SERPINB7: variants seen among roughly 807,000 people sequenced by gnomAD.
The protein encoded by SERPINB7 is serpin B7.
In SERPINB7, 31 loss-of-function variants were observed where a neutral mutation model predicts 37.4. The ratio of observed to expected loss-of-function variants is 0.83; its 90% CI spans 0.62 to 1.12. The LOEUF (loss-of-function observed/expected upper bound fraction) is 1.12, where lower values mean the gene tolerates loss of function less well. SERPINB7 is among the 50% of genes most tolerant of loss of function. The probability of loss-of-function intolerance (pLI) is 0.00; values close to 1 mark genes in which losing one functional copy is unlikely to be tolerated. For synonymous variants in SERPINB7, 163 were observed against 166.1 expected, an observed-to-expected ratio of 0.98 and a Z score of 0.14; for missense variants, 521 against 455.3, an observed-to-expected ratio of 1.14 and a Z score of -1.31.
In SERPINB7 at chr18:63,753,545, C is replaced by G. The variant is rs1181420602; in HGVS notation, c.-19+425C>G. ...GCTTTCTATCTCTGGTGTCACAGACCTACTGATTAAATATATGTGAGTGAA... is the reference window on the plus strand; with the variant it reads ...GCTTTCTATCTCTGGTGTCACAGACGTACTGATTAAATATATGTGAGTGAA... On this transcript the variant is annotated intron_variant, in intron 1 of 7. Transcript: ENST00000336429. 3.3e-5 allele frequency among the ~76,000 whole-genome samples: 5 copies of G among 152,150 alleles called. No individual in the cohort carries two copies. The East Asian group carries it at 5.8e-4, about 18-fold the overall frequency.
intron 1 of SERPINB7, among the ~76,000 whole-genome samples, chr18:63,770,213 T>C (rs2049202724): frequency 6.6e-6 from 1 of 150,978 alleles, no homozygotes; most frequent in African/African-American, 2.4e-5. Context: ...TTTCCGGACC[T>C]CTGGTTAGAG....
chr18:63,774,744 A>C (rs1458302940), upstream of SERPINB7, among the ~76,000 whole-genome samples: 7 of 152,110 alleles, frequency 4.6e-5, no homozygotes, highest in Admixed American at 2.6e-4. Flanking sequence ...GAACACACCA[A>C]GTTTCAGCTC....
rs767222895 is a variant in SERPINB7, at chr18:63,793,261, T to C, written c.320T>C (p.Val107Ala). 2 of 1,587,530 alleles carry C rather than the reference T, an allele frequency of 1.3e-6. No homozygotes were observed. Among genetic ancestry groups the C allele is most frequent in the East Asian group, 2.3e-5 (1 of 44,424 alleles). ...GTGAATGGGCTTTTTGCTGAAAAAG[T>C]GTATGGCTTTCATAAGGTAAGTGAA... is the stretch of plus-strand genomic sequence containing the variant. ...SIVNGLFAEKVYGFHKDYIEC... is the reference protein window; with the variant it reads ...SIVNGLFAEKAYGFHKDYIEC... Residue 107 changes from valine (V) to alanine (A), a missense_variant, in exon 4 of 8, where the codon GTG becomes GCG. Val to Ala is a moderately conservative substitution (Grantham distance 64). Transcript: ENST00000398019.
chr18:63,780,261 G>C (rs1005022913), intron 1 of SERPINB7, among the ~76,000 whole-genome samples: 2 of 152,110 alleles, frequency 1.3e-5, no homozygotes, highest in Middle Eastern at 3.2e-3. Flanking sequence ...AGAGAATCTA[G>C]CACACAATTT....
rs975615314 is a variant in SERPINB7 at position 63,762,456 on chromosome 18, G to A, written c.-19+9336G>A. On this transcript the variant is annotated intron_variant, in intron 1 of 7. Transcript: ENST00000336429. ...TTATTGAGTCTGATTTACAGATTAC[G>A]TGCATTGGTATGCATATCAGGTGCT... Among the ~76,000 whole-genome samples the A allele has an allele frequency of 3.9e-5, 6 of 152,116 alleles. No homozygotes were observed. The South Asian group carries it at 6.2e-4, about 16-fold the overall frequency.
intron 2 of SERPINB7, 85 bp from the exon 3 acceptor site, chr18:63,792,308 G>T (rs569378300): frequency 1.3e-5 from 13 of 986,938 alleles, no homozygotes; most frequent in Non-Finnish European, 2.1e-5. Flanking sequence ...TATTGGGAAA[G>T]AATATTTTTA....
chr18:63,798,859 C>T, intron 6 of SERPINB7, 113 bp downstream of exon 6: 2 of 1,096,036 alleles, frequency 1.8e-6, no homozygotes. Context: ...CCCATTTCTT[C>T]TTTTGCATTA....
chr18:63,771,795 G>A (rs768947404), upstream of SERPINB7, among the ~76,000 whole-genome samples: 15 of 151,890 alleles, frequency 9.9e-5, no homozygotes, highest in Non-Finnish European at 1.9e-4. Context: ...ATTTTGTGGG[G>A]ATATTTATGA....
At chr18:63,790,516 T>C (rs1265403194) in intron 2 of SERPINB7, among the ~76,000 whole-genome samples, 1 of 152,218 alleles carries the variant, frequency 6.6e-6, no homozygotes, top group African/African-American at 2.4e-5. Context: ...TTAAATTTGG[T>C]TGGTACAAAT....
At chr18:63,765,041 T>C (rs375055709) in intron 1 of SERPINB7, among the ~76,000 whole-genome samples, 14 of 152,134 alleles carry the variant, frequency 9.2e-5, no homozygotes, top group African/African-American at 3.4e-4. Context: ...ATTGCAGAAT[T>C]TGTTTATGAC....
In SERPINB7 at chr18:63,793,235, T is replaced by C; in HGVS notation, c.294T>C (p.Ile98=). The change falls in exon 4 of 8, where the codon ATT becomes ATC. Residue 98 remains isoleucine (I), a synonymous_variant. Transcript: ENST00000398019. ...CCCACAAGGATTATGATCTCAGCAT[T>C]GTGAATGGGCTTTTTGCTGAAAAAG... is the stretch of plus-strand genomic sequence containing the variant. ...NASHKDYDLS[I]VNGLFAEKVY... 1.9e-6 allele frequency: 3 copies of C among 1,608,194 alleles called. No homozygotes were observed. The highest frequency in any genetic ancestry group is 2.5e-6 in the Non-Finnish European group (3 of 1,176,670).
In SERPINB7 at chr18:63,782,500, G is replaced by T; in HGVS notation, c.128G>T (p.Arg43Leu). Residue 43 changes from arginine to leucine, a missense_variant, in exon 2 of 8, where the codon CGC (arginine) becomes CTC (leucine). By Grantham distance (102) the Arg-to-Leu change is moderately radical (BLOSUM62 -2). Coordinates refer to ENST00000398019, the MANE Select transcript of SERPINB7 (RefSeq NM_003784.4). Reference sequence around the variant, plus strand: ...CTCTTCGCTGCCCTGGCCCTGGTCCGCTTGGGCGCTCAAGATGACTCCCTC... The same window carrying T: ...CTCTTCGCTGCCCTGGCCCTGGTCCTCTTGGGCGCTCAAGATGACTCCCTC... ...LSLFAALALV[R>L]LGAQDDSLSQ... 2 of 1,613,096 alleles carry T rather than the reference G, an allele frequency of 1.2e-6. No homozygotes were observed. The highest frequency in any genetic ancestry group is 1.7e-6 in the Non-Finnish European group (2 of 1,179,464).
intron 2 of SERPINB7, among the ~76,000 whole-genome samples, chr18:63,791,906 G>A (rs887942051): frequency 3.9e-5 from 6 of 152,012 alleles, no homozygotes; most frequent in South Asian, 2.1e-4. Flanking sequence ...CACCGCACCC[G>A]GCCAGTCCAC....
chr18:63,788,034 C>T (rs78456895), intron 2 of SERPINB7, among the ~76,000 whole-genome samples: 3,901 of 152,282 alleles, frequency 0.026, 197 homozygotes, highest in African/African-American at 0.089. Flanking sequence ...CAATGATGTA[C>T]AGTACGTAAT....
rs1339338961 is a variant in SERPINB7, at chr18:63,796,252, ATTC to A, written c.337-8_337-6del. 13 of 1,450,808 alleles carry A rather than the reference ATTC, an allele frequency of 9.0e-6. No individual in the cohort carries two copies. Among genetic ancestry groups the A allele is most frequent in the African/African-American group, 2.8e-5 (2 of 71,570 alleles). The allele number at this position is 1,450,808 out of a possible 1,614,324, so 89.9% of individuals were successfully genotyped here. A position where few individuals can be genotyped will look rare whatever the true frequency, so the allele number is the denominator to read the frequency against. On this transcript the variant is annotated splice_polypyrimidine_tract_variant and intron_variant, in intron 4 of 7. Transcript: ENST00000398019. ...GATGATTTGTAAATACGAGAACTATATTCTTCTTTATAGGACTACATTGAGTGT... is the reference window on the plus strand; with the variant it reads ...GATGATTTGTAAATACGAGAACTATATTCTTTATAGGACTACATTGAGTGT...
chr18:63,783,601 C>T (rs75782788), intron 2 of SERPINB7, among the ~76,000 whole-genome samples: 2,858 of 152,292 alleles, frequency 0.019, 38 homozygotes, highest in South Asian at 0.05. Flanking sequence ...ATTAACACAC[C>T]CGTGCACACA....
intron 2 of SERPINB7, among the ~76,000 whole-genome samples, 156 bp from the exon 3 acceptor site, chr18:63,792,237 G>A (rs2049436461): frequency 6.6e-6 from 1 of 152,234 alleles, no homozygotes; most frequent in African/African-American, 2.4e-5. Flanking sequence ...TGTGCATTCA[G>A]AGTCATGGGG....
intron 1 of SERPINB7, among the ~76,000 whole-genome samples, chr18:63,776,086 A>G (rs2049244788): frequency 6.6e-6 from 1 of 152,114 alleles, no homozygotes; most frequent in Admixed American, 6.5e-5. Context: ...AAAACCTGCT[A>G]TCAGGAATAG....
intron 1 of SERPINB7, among the ~76,000 whole-genome samples, chr18:63,767,312 T>C (rs2049186104): frequency 1.3e-5 from 2 of 152,266 alleles, no homozygotes; most frequent in South Asian, 4.1e-4. Context: ...TGGGGTGGGC[T>C]AAGTTAAATA....
Sources: allele counts gnomAD v4.1 joint callset (sites outside exome capture counted in the v4.1 genomes callset), GRCh38; gene constraint gnomAD v4.1.1; transcripts MANE v1.5; gene names NCBI Gene and HGNC (gene_info 2026-07-23, HGNC 2026-07-21).